The following CNTN4 variants were observed in gnomAD, a reference collection of about 807,000 sequenced individuals.
CNTN4 encodes the protein contactin 4, also known as contactin-4.
Under a neutral mutation model 122.5 loss-of-function variants are expected in CNTN4, and 77 were observed. That is an observed-to-expected ratio of 0.63 (90% CI 0.52 to 0.76). The LOEUF (loss-of-function observed/expected upper bound fraction) is 0.76. Ranked by LOEUF, CNTN4 falls within the 30% of genes least tolerant of loss-of-function variation. The pLI, the probability that CNTN4 is intolerant of heterozygous loss-of-function variation, is 0.00. For missense variants in CNTN4, 1,256 were observed against 1,259.1 expected, an observed-to-expected ratio of 1.00 and a Z score of 0.04; for synonymous variants, 512 against 447.0, an observed-to-expected ratio of 1.15 and a Z score of -1.83.
intron 3 of CNTN4, among the ~76,000 whole-genome samples, chr3:2,554,090 C>G (rs1575969561): frequency 6.6e-6 from 1 of 152,220 alleles, no homozygotes; most frequent in African/African-American, 2.4e-5. Flanking sequence ...TTACTCCTGT[C>G]TGGCCAAAAT....
At chr3:2,193,963 T>C (rs1320357073) in intron 2 of CNTN4, among the ~76,000 whole-genome samples, 2 of 152,152 alleles carry the variant, frequency 1.3e-5, no homozygotes, top group Non-Finnish European at 2.9e-5. Context: ...CCCACAATGA[T>C]AAAATTGCTT....
At chr3:2,306,456 G>A (rs2042707578) in intron 2 of CNTN4, among the ~76,000 whole-genome samples, 1 of 152,062 alleles carries the variant, frequency 6.6e-6, no homozygotes, top group African/African-American at 2.4e-5. Context: ...TTGGATAAAT[G>A]TCTGTTCAAA....
intron 2 of CNTN4, among the ~76,000 whole-genome samples, chr3:2,247,072 G>T (rs1167248409): frequency 6.6e-6 from 1 of 152,024 alleles, no homozygotes. Flanking sequence ...TATGCATTGT[G>T]TTCTACTATA....
At chr3:2,885,441 A>G (rs1310577996) in intron 9 of CNTN4, among the ~76,000 whole-genome samples, 1 of 152,192 alleles carries the variant, frequency 6.6e-6, no homozygotes, top group Non-Finnish European at 1.5e-5. Flanking sequence ...TAAGTTGGTA[A>G]GGTTCTCAAT....
chr3:2,602,361 A>T (rs985805408), intron 4 of CNTN4, among the ~76,000 whole-genome samples: 1 of 152,164 alleles, frequency 6.6e-6, no homozygotes, highest in African/African-American at 2.4e-5. Flanking sequence ...CTCAGCCCCA[A>T]ATCTCTTTAA....
intron 4 of CNTN4, among the ~76,000 whole-genome samples, chr3:2,579,784 T>C (rs1225297635): frequency 6.6e-6 from 1 of 152,180 alleles, no homozygotes; most frequent in Non-Finnish European, 1.5e-5. Flanking sequence ...TATGTTAATG[T>C]TTATGTTAAA....
intron 7 of CNTN4, among the ~76,000 whole-genome samples, chr3:2,834,830 G>A (rs2093181777): frequency 6.7e-6 from 1 of 149,856 alleles, no homozygotes; most frequent in Admixed American, 6.7e-5. Flanking sequence ...AAATAAATGA[G>A]GGCAGAATTA....
chr3:2,431,057 A>G (rs1022956043), intron 3 of CNTN4, among the ~76,000 whole-genome samples: 1 of 152,230 alleles, frequency 6.6e-6, no homozygotes, highest in Non-Finnish European at 1.5e-5. Flanking sequence ...TTTGTGGTCT[A>G]AGACTCTATC....
At position 2,348,565 on chromosome 3, in the gene CNTN4, T is replaced by A. The variant is rs545353685; in HGVS notation, c.-89+9332T>A. On this transcript the variant is annotated intron_variant, in intron 3 of 24. Coordinates refer to ENST00000418658, the MANE Select transcript of CNTN4 (RefSeq NM_175607.3). Reference sequence around the variant, plus strand: ...GTTCCTCTGTTCCTTTATCAGACCTTCAGCATTCCATTTCCTTTCCTTAAA... The same window carrying A: ...GTTCCTCTGTTCCTTTATCAGACCTACAGCATTCCATTTCCTTTCCTTAAA... 3.3e-5 allele frequency among the ~76,000 whole-genome samples: 5 copies of A among 152,292 alleles called. No individual in the cohort carries two copies. In the East Asian group the frequency reaches 9.7e-4, roughly 29 times the overall value.
chr3:2,200,893 C>T (rs534311554), intron 2 of CNTN4, among the ~76,000 whole-genome samples: 12 of 152,050 alleles, frequency 7.9e-5, no homozygotes, highest in Non-Finnish European at 1.5e-4. Context: ...TTTTTTGACT[C>T]CACTACAGCC....
chr3:3,051,272 C>A (rs534095817), intron 23 of CNTN4, among the ~76,000 whole-genome samples: 62 of 152,242 alleles, frequency 4.1e-4, no homozygotes, highest in Middle Eastern at 3.4e-3. Flanking sequence ...CCTTGTCTTC[C>A]ACCCTAGATT....
chr3:3,039,805 A>C (rs569092082), intron 19 of CNTN4: 43 of 523,940 alleles, frequency 8.2e-5, no homozygotes, highest in African/African-American at 7.1e-4. Flanking sequence ...GCCCCATCAA[A>C]GAGCAAGCTC....
chr3:2,879,217 C>T (rs984619848), intron 8 of CNTN4, among the ~76,000 whole-genome samples: 1 of 152,066 alleles, frequency 6.6e-6, no homozygotes, highest in African/African-American at 2.4e-5. Context: ...AAGAATGTCA[C>T]GTGACAACCG....
chr3:2,264,109 T>G (rs558962502), intron 2 of CNTN4, among the ~76,000 whole-genome samples: 1 of 152,284 alleles, frequency 6.6e-6, no homozygotes, highest in South Asian at 2.1e-4. Context: ...ATACTGATTT[T>G]CTTTCTTTTG....
intron 7 of CNTN4, among the ~76,000 whole-genome samples, chr3:2,858,635 A>G (rs145621257): frequency 1.9e-3 from 291 of 152,162 alleles, no homozygotes; most frequent in African/African-American, 6.7e-3. Flanking sequence ...AGATGGGAGA[A>G]TCACTTGAAC....
intron 23 of CNTN4, among the ~76,000 whole-genome samples, chr3:3,044,772 G>A (rs1057216373): frequency 2.3e-4 from 35 of 152,198 alleles, no homozygotes; most frequent in African/African-American, 8.2e-4. Flanking sequence ...GCAGGACAGT[G>A]GGGGAAGTGC....
intron 13 of CNTN4, among the ~76,000 whole-genome samples, chr3:2,970,984 A>C (rs1276538495): frequency 6.6e-6 from 1 of 151,672 alleles, no homozygotes; most frequent in Middle Eastern, 3.4e-3. Flanking sequence ...ACAGGGTTTC[A>C]CCATGTTAGC....
intron 4 of CNTN4, among the ~76,000 whole-genome samples, chr3:2,602,353 C>G (rs1033371708): frequency 2.0e-5 from 3 of 152,208 alleles, no homozygotes; most frequent in Non-Finnish European, 4.4e-5. Flanking sequence ...CCCATCATCT[C>G]AGCCCCAAAT....
chr3:2,936,026 C>G (rs190317133), intron 13 of CNTN4, among the ~76,000 whole-genome samples: 1 of 152,334 alleles, frequency 6.6e-6, no homozygotes, highest in African/African-American at 2.4e-5. Flanking sequence ...GGACATCTCT[C>G]AGAATCCAGT....
Sources: gnomAD v4.1 joint callset for allele counts (sites outside exome capture counted in the v4.1 genomes callset) on GRCh38, gnomAD v4.1.1 for gene constraint, MANE v1.5 for transcripts, NCBI Gene and HGNC (gene_info 2026-07-23, HGNC 2026-07-21) for gene names.